PCSK5: variants seen among roughly 807,000 people sequenced by gnomAD.
The protein encoded by PCSK5 is proprotein convertase subtilisin/kexin type 5, also known as prohormone convertase 5.
A neutral mutation model predicts 233.2 loss-of-function variants in PCSK5; 129 were observed. The ratio of observed to expected loss-of-function variants is 0.55; its 90% CI spans 0.48 to 0.64. PCSK5 has a LOEUF of 0.64. Among genes scored for constraint, PCSK5 ranks in the 30% least tolerant of loss-of-function variants. The pLI is 0.00. For missense variants in PCSK5, 2,076 were observed against 2,430.1 expected (o/e 0.85, Z 3.06); for synonymous variants, 825 against 879.2 (o/e 0.94, Z 1.09).
intron 24 of PCSK5, among the ~76,000 whole-genome samples, chr9:76,290,137 A>G (rs2260499): frequency 0.22 from 33,000 of 152,088 alleles, 3,720 homozygotes; most frequent in Middle Eastern, 0.29. Flanking sequence ...CTGCCCAAAT[A>G]TAAGCTGAGT....
rs1361402263 is a variant in PCSK5, at chr9:76,107,256, T to C, written c.1113T>C (p.Thr371=). 5.6e-6 allele frequency: 9 copies of C among 1,611,382 alleles called. No individual in the cohort carries two copies. Among genetic ancestry groups the C allele is most frequent in the Admixed American group, 3.3e-5 (2 of 59,892 alleles). ...SGESYDKKII[T]TDLRQRCTDN... ...CTTTTCACTTTGTTTTCCAGATCAC[T>C]ACAGATCTGAGGCAGCGTTGCACGG... Residue 371 remains threonine, a synonymous_variant, in exon 9 of 38, where the codon ACT becomes ACC. Transcript: ENST00000674117.
At chr9:76,050,376 A>G (rs1829579697) in intron 5 of PCSK5, among the ~76,000 whole-genome samples, 1 of 152,222 alleles carries the variant, frequency 6.6e-6, no homozygotes, top group Non-Finnish European at 1.5e-5. Flanking sequence ...AATAGACCAC[A>G]AAAATCAAAA....
chr9:76,237,333 A>T (rs1826281244), intron 22 of PCSK5, among the ~76,000 whole-genome samples: 1 of 152,234 alleles, frequency 6.6e-6, no homozygotes, highest in Admixed American at 6.5e-5. Context: ...ATTTAGAAAC[A>T]GCAGAATATT....
intron 1 of PCSK5, 42 bp downstream of exon 1, chr9:75,891,415 A>T: frequency 6.9e-7 from 1 of 1,451,294 alleles, no homozygotes; most frequent in Non-Finnish European, 9.3e-7. Flanking sequence ...CCCTGAAGCC[A>T]CTGGGGGCTT....
chr9:76,292,070 G>T (rs142245429), intron 24 of PCSK5, among the ~76,000 whole-genome samples, 163 bp from the exon 25 acceptor site: 1 of 152,112 alleles, frequency 6.6e-6, no homozygotes, highest in East Asian at 1.9e-4. Context: ...ACATCTTGTT[G>T]CTAATTAAAA....
intron 7 of PCSK5, among the ~76,000 whole-genome samples, chr9:76,086,233 A>C (rs1374682714): frequency 6.6e-6 from 1 of 152,196 alleles, no homozygotes; most frequent in African/African-American, 2.4e-5. Flanking sequence ...GGGATGGTGG[A>C]TGTACCCAGA....
chr9:75,992,805 C>G (rs1826829029), intron 3 of PCSK5, among the ~76,000 whole-genome samples: 1 of 152,058 alleles, frequency 6.6e-6, no homozygotes, highest in South Asian at 2.1e-4. Flanking sequence ...ATTTTTGATG[C>G]ACTACCTCGG....
At chr9:75,957,659 A>G (rs1472251818) in intron 2 of PCSK5, among the ~76,000 whole-genome samples, 1 of 152,222 alleles carries the variant, frequency 6.6e-6, no homozygotes, top group South Asian at 2.1e-4. Context: ...CTGGCTTGTT[A>G]GTATCTGCCC....
chr9:76,235,850 G>C (rs34764955), intron 22 of PCSK5, among the ~76,000 whole-genome samples: 23,574 of 152,184 alleles, frequency 0.15, 1,882 homozygotes, highest in African/African-American at 0.19. Flanking sequence ...AAGTGTAGCA[G>C]AGACCTTGAT....
chr9:76,206,492 G>C (rs1268865906), intron 20 of PCSK5, among the ~76,000 whole-genome samples: 2 of 152,180 alleles, frequency 1.3e-5, no homozygotes, highest in African/African-American at 2.4e-5. Flanking sequence ...CAGGCTGCCG[G>C]TGCAACTCTC....
chr9:76,246,341 C>CAA lies in PCSK5; in HGVS notation c.3142+5682_3142+5683dup, dbSNP rs59806704. Among the ~76,000 whole-genome samples, 220 of 52,652 alleles carry CAA rather than the reference C, an allele frequency of 4.2e-3. 10 individuals carry two copies. The highest frequency in any genetic ancestry group is 6.9e-3 in the Non-Finnish European group (173 of 25,056). The allele number at this position is 52,652 out of a possible 152,430, so 34.5% of individuals were successfully genotyped here. On this transcript the variant is annotated intron_variant, in intron 24 of 37. Coordinates refer to ENST00000674117, the MANE Select transcript of PCSK5 (RefSeq NM_001372043.1). ...TGGGCGACAGAGCGAGATTCCATCT[C>CAA]AAAAAAAAAAAAAAAAAAAAAAAAA...
At chr9:75,946,981 G>C (rs558784726) in intron 2 of PCSK5, among the ~76,000 whole-genome samples, 1 of 152,114 alleles carries the variant, frequency 6.6e-6, no homozygotes, top group East Asian at 1.9e-4. Context: ...AGATTAACTT[G>C]GTTAGTCTTG....
At chr9:76,032,540 G>A (rs910240485) in intron 5 of PCSK5, among the ~76,000 whole-genome samples, 5 of 152,078 alleles carry the variant, frequency 3.3e-5, no homozygotes, top group African/African-American at 1.2e-4. Context: ...TCCCTTTCTC[G>A]TCACTTTTGC....
intron 2 of PCSK5, among the ~76,000 whole-genome samples, chr9:75,950,977 A>T (rs1233948552): frequency 6.6e-6 from 1 of 152,246 alleles, no homozygotes; most frequent in Non-Finnish European, 1.5e-5. Flanking sequence ...CAAAGCAACC[A>T]TTGAAAGATT....
chr9:76,216,236 T>C (rs949998007), intron 20 of PCSK5, among the ~76,000 whole-genome samples: 8 of 152,180 alleles, frequency 5.3e-5, no homozygotes, highest in African/African-American at 1.7e-4. Context: ...AACCCGGCGC[T>C]CTACAGCATA....
At chr9:76,289,529 C>CACGCAACAT (rs1290889302) in intron 24 of PCSK5, among the ~76,000 whole-genome samples, 3 of 94,742 alleles carry the variant, frequency 3.2e-5, no homozygotes, top group African/African-American at 1.0e-4. Flanking sequence ...CACACACACA[C>CACGCAACAT]ACACACACAC....
Position 76,068,061 on chromosome 9 carries a change from A to G in PCSK5, c.721+18A>G, listed in dbSNP as rs1177514387. On this transcript the variant is annotated intron_variant, in intron 6 of 37. Transcript: ENST00000674117. ...GATCGGAGGTATGGGAAACCAACTCACGTGGATGTAGAAATGCGCCAGTTA... is the reference window on the plus strand; with the variant it reads ...GATCGGAGGTATGGGAAACCAACTCGCGTGGATGTAGAAATGCGCCAGTTA... The G allele has an allele frequency of 6.4e-7, 1 of 1,573,550 alleles. No individual in the cohort carries two copies. The highest frequency in any genetic ancestry group is 8.7e-7 in the Non-Finnish European group (1 of 1,142,968).
At chr9:75,908,875 T>TATC (rs1822537064) in intron 1 of PCSK5, among the ~76,000 whole-genome samples, 63 of 116,102 alleles carry the variant, frequency 5.4e-4, no homozygotes, top group Non-Finnish European at 8.7e-4. Context: ...CTCTTTCTAT[T>TATC]TATCTATCTA....
intron 9 of PCSK5, among the ~76,000 whole-genome samples, chr9:76,131,142 T>C (rs375682602): frequency 1.3e-5 from 2 of 152,264 alleles, no homozygotes. Flanking sequence ...AAATGGTTTA[T>C]GAGATCTCTC....
Sources: gnomAD v4.1 joint callset for allele counts (sites outside exome capture counted in the v4.1 genomes callset) on GRCh38, gnomAD v4.1.1 for gene constraint, MANE v1.5 for transcripts, NCBI Gene and HGNC (gene_info 2026-07-23, HGNC 2026-07-21) for gene names.